CCNB3: variants seen among roughly 807,000 people sequenced by gnomAD.
CCNB3 encodes the protein G2/mitotic-specific cyclin-B3.
In CCNB3, 12 loss-of-function variants were observed where a neutral mutation model predicts 68.0. The ratio of observed to expected loss-of-function variants is 0.18; its 90% CI spans 0.11 to 0.29. The LOEUF is 0.29. Ranked by LOEUF, CCNB3 falls within the 10% of genes least tolerant of loss-of-function variation. The pLI is 1.00. For missense variants in CCNB3, 904 were observed against 993.1 expected (o/e 0.91, Z 1.21); for synonymous variants, 354 against 388.9 (o/e 0.91, Z 1.06).
chrX:50,343,704 T>G (rs1466066956), intron 9 of CCNB3, among the ~76,000 whole-genome samples: 2 of 111,702 alleles, frequency 1.8e-5, no homozygotes, highest in East Asian at 5.6e-4. Context: ...AGACCCTGTC[T>G]CAAAAGAAAT....
In CCNB3 at chrX:50,311,180, A is replaced by G. The variant is rs1301257312; in HGVS notation, c.3011A>G (p.Asn1004Ser). The G allele has an allele frequency of 3.3e-6, 4 of 1,200,922 alleles. No individual in the cohort carries two copies. Among genetic ancestry groups the G allele is most frequent in the African/African-American group, 1.9e-5 (1 of 53,865 alleles). The change falls in exon 6 of 13, where the codon AAT becomes AGT. Residue 1004 changes from asparagine to serine, a missense_variant. Physicochemically the swap from Asn to Ser is conservative, Grantham distance 46. This residue lies in a region of CCNB3 where 285 missense variants were observed against 383.4 expected (regional missense o/e 0.74). Transcript: ENST00000376042. ...AGTGTGGGCAAATCTGGTACCATCAATGAGGCATTCCTCTTCGAAGATATG... is the reference window on the plus strand; with the variant it reads ...AGTGTGGGCAAATCTGGTACCATCAGTGAGGCATTCCTCTTCGAAGATATG... ...MTSVGKSGTI[N>S]EAFLFEDMIT...
At chrX:50,206,037 T>A (rs1935354178) in intron 1 of CCNB3, among the ~76,000 whole-genome samples, 1 of 104,867 alleles carries the variant, frequency 9.5e-6, no homozygotes, top group Admixed American at 1.0e-4. Flanking sequence ...GATCACGAGA[T>A]CAAAAGATCG....
chrX:50,315,467 C>T (rs1602229281), intron 8 of CCNB3, among the ~76,000 whole-genome samples: 1 of 110,785 alleles, frequency 9.0e-6, no homozygotes, highest in Non-Finnish European at 1.9e-5. Flanking sequence ...AAAAAAAGGA[C>T]AAAGAGAGCC....
chrX:50,290,504 G>A (rs1228220338), intron 4 of CCNB3, among the ~76,000 whole-genome samples: 1 of 112,008 alleles, frequency 8.9e-6, no homozygotes, highest in Non-Finnish European at 1.9e-5. Flanking sequence ...TTGGAGATTA[G>A]GTTTCAACAT....
intron 7 of CCNB3, among the ~76,000 whole-genome samples, chrX:50,313,562 T>A (rs782691006): frequency 8.9e-5 from 10 of 112,228 alleles, no homozygotes; most frequent in African/African-American, 3.2e-4. Flanking sequence ...GTGCTTTAGA[T>A]TGAATTGCAA....
In CCNB3 at chrX:50,306,950, C is replaced by T. The variant is rs952655177; in HGVS notation, c.336-1555C>T. ...TTTTCTAGTGGTGTCTGTCTGTTTTCGTTATCAGAGTAATACTGACCTCAT... is the reference window on the plus strand; with the variant it reads ...TTTTCTAGTGGTGTCTGTCTGTTTTTGTTATCAGAGTAATACTGACCTCAT... On this transcript the variant is annotated intron_variant, in intron 5 of 12. Coordinates refer to ENST00000376042, the MANE Select transcript of CCNB3 (RefSeq NM_033031.3). Among the ~76,000 whole-genome samples, 13 of 111,343 alleles carry T rather than the reference C, an allele frequency of 1.2e-4. 1 individual carries two copies. The highest frequency in any genetic ancestry group is 1.3e-4 in the African/African-American group (4 of 30,702).
intron 4 of CCNB3, among the ~76,000 whole-genome samples, chrX:50,289,100 A>G (rs1390866087): frequency 3.6e-5 from 4 of 111,989 alleles, no homozygotes; most frequent in Non-Finnish European, 7.5e-5. Context: ...AGCAGCAGAC[A>G]GTGATTATCA....
At chrX:50,213,676 T>G (rs1175073638) in intron 1 of CCNB3, among the ~76,000 whole-genome samples, 215 of 111,768 alleles carry the variant, frequency 1.9e-3, no homozygotes, top group Non-Finnish European at 3.3e-3. Context: ...ATTAATAATT[T>G]AATTTATTTA....
At chrX:50,227,667 TATAG>T (rs1485498287) in intron 1 of CCNB3, among the ~76,000 whole-genome samples, 5 of 23,227 alleles carry the variant, frequency 2.2e-4, no homozygotes, top group African/African-American at 8.4e-4. Context: ...TAAAAATATA[TATAG>T]AGAGAATATA....
chrX:50,349,430 G>A (rs1468175497), intron 11 of CCNB3, among the ~76,000 whole-genome samples: 1 of 112,221 alleles, frequency 8.9e-6, no homozygotes, highest in Non-Finnish European at 1.9e-5. Context: ...AGGCAGGGAG[G>A]TGACATGCTC....
intron 8 of CCNB3, among the ~76,000 whole-genome samples, chrX:50,336,200 G>A (rs1922843564): frequency 8.9e-6 from 1 of 111,964 alleles, no homozygotes. Flanking sequence ...GAATCACCTT[G>A]CTTTTCCTTC....
At chrX:50,298,136 C>T (rs1936522792) in intron 5 of CCNB3, among the ~76,000 whole-genome samples, 1 of 111,447 alleles carries the variant, frequency 9.0e-6, no homozygotes, top group Non-Finnish European at 1.9e-5. Flanking sequence ...CTTCTGCTGC[C>T]TGATTGCCCT....
intron 8 of CCNB3, among the ~76,000 whole-genome samples, chrX:50,328,923 GTCATTTAA>G (rs370674580): frequency 6.2e-5 from 7 of 112,578 alleles, no homozygotes; most frequent in African/African-American, 2.3e-4. Context: ...CTCAAGCCGT[GTCATTTAA>G]TCTTAAATGT....
rs782385072 is a variant in CCNB3 at position 50,310,245 on chromosome X, G to C, written c.2076G>C (p.Glu692Asp). The C allele has an allele frequency of 1.2e-5, 15 of 1,210,694 alleles. No individual in the cohort carries two copies. The South Asian group carries it at 2.5e-4, about 20-fold the overall frequency. ...ACAAAAGTGGGTCCCTCTTCCAGGA[G>C]GCTTTGGTCTTGCAAGAGAAGACTG... ...HTNKSGSLFQ[E>D]ALVLQEKTDA... Residue 692 changes from glutamate to aspartate, a missense_variant, in exon 6 of 13, where the codon GAG becomes GAC. By Grantham distance (45) the Glu-to-Asp change is conservative. Coordinates refer to ENST00000376042, the MANE Select transcript of CCNB3 (RefSeq NM_033031.3).
chrX:50,351,199 G>C, intron 11 of CCNB3, 42 bp from the exon 12 acceptor site: 1 of 1,204,033 alleles, frequency 8.3e-7, no homozygotes, highest in Non-Finnish European at 1.1e-6. Flanking sequence ...GGAACGGTGT[G>C]CTTCCTATAG....
chrX:50,226,770 G>T (rs1356654775), intron 1 of CCNB3, among the ~76,000 whole-genome samples: 1 of 76,182 alleles, frequency 1.3e-5, no homozygotes, highest in African/African-American at 5.3e-5. Flanking sequence ...TATGTACATA[G>T]AATATATATA....
chrX:50,326,977 A>C (rs1409807147), intron 8 of CCNB3, among the ~76,000 whole-genome samples: 1 of 111,941 alleles, frequency 8.9e-6, no homozygotes, highest in Non-Finnish European at 1.9e-5. Context: ...GTTTTGATTT[A>C]TTTGTTACTT....
rs1921325175 is a variant in CCNB3, at chrX:50,309,972, A to C, written c.1803A>C (p.Leu601Phe). ...KKITQGKMSH[L>F]KKPLVLQKIT... ...TTACTCAGGGGAAGATGTCCCACTT[A>C]AAGAAGCCACTGGTCTTGCAGAAGA... Residue 601 changes from leucine to phenylalanine, a missense_variant, in exon 6 of 13, where the codon TTA becomes TTC. Leu to Phe is a conservative substitution (Grantham distance 22, BLOSUM62 0). Transcript: ENST00000376042. 1 of 1,209,312 alleles carries C rather than the reference A, an allele frequency of 8.3e-7. No individual in the cohort carries two copies. Among genetic ancestry groups the C allele is most frequent in the Non-Finnish European group, 1.1e-6 (1 of 894,628 alleles).
At position 50,313,932 on chromosome X, in the gene CCNB3, G is replaced by C. The variant is rs782296296; in HGVS notation, c.3500G>C (p.Trp1167Ser). ...TSDMRAILVD[W>S]LVEVQVSFEM... ...GACATGAGGGCCATTCTTGTGGACT[G>C]GTTGGTGGAGGTGCAGGTAAGCCTG... Residue 1167 changes from tryptophan to serine, a missense_variant, in exon 8 of 13, where the codon TGG becomes TCG. By Grantham distance (177) the Trp-to-Ser change is radical. Around this residue, in one of 2 missense-constraint regions of CCNB3, gnomAD observed 285 missense variants for 383.4 expected, o/e 0.74. Coordinates refer to ENST00000376042, the MANE Select transcript of CCNB3 (RefSeq NM_033031.3). The C allele has an allele frequency of 8.3e-7, 1 of 1,203,628 alleles. No homozygotes were observed. The highest frequency in any genetic ancestry group is 1.1e-6 in the Non-Finnish European group (1 of 888,364).
Sources: allele counts gnomAD v4.1 joint callset (sites outside exome capture counted in the v4.1 genomes callset), GRCh38; gene constraint gnomAD v4.1.1; regional missense constraint gnomAD v4.1.1; transcripts MANE v1.5; gene names NCBI Gene and HGNC (gene_info 2026-07-23, HGNC 2026-07-21).